The following GLRA3 variants were observed in gnomAD, a reference collection of about 807,000 sequenced individuals.
GLRA3 encodes glycine receptor alpha 3.
GLRA3 carries 44 observed loss-of-function variants against 60.4 expected under a neutral mutation model. That is an observed-to-expected ratio of 0.73 (90% confidence interval 0.57 to 0.94). The LOEUF (loss-of-function observed/expected upper bound fraction) is 0.94. GLRA3 is among the 40% of genes least tolerant of loss of function. GLRA3 has a pLI of 0.00. For synonymous variants in GLRA3, 223 were observed against 192.9 expected, an observed-to-expected ratio of 1.16 and a Z score of -1.29; for missense variants, 508 against 564.6, an observed-to-expected ratio of 0.90 and a Z score of 1.02.
chr4:174,715,482 A>G lies in GLRA3; in HGVS notation c.574+6T>C. 7.2e-7 allele frequency: 1 copy of G among 1,396,988 alleles called. No individual in the cohort carries two copies. Among genetic ancestry groups the G allele is most frequent in the Non-Finnish European group, 1.0e-6 (1 of 988,508 alleles). The allele number at this position is 1,396,988 out of a possible 1,614,324, so 86.5% of individuals were successfully genotyped here. ...GTATTTTAAAAAGTAAGTGGTTCATACTTACAGCTTTCCAGTTGCATTATA... is the reference window on the plus strand; with the variant it reads ...GTATTTTAAAAAGTAAGTGGTTCATGCTTACAGCTTTCCAGTTGCATTATA... On this transcript the variant is annotated splice_donor_region_variant and intron_variant, in intron 5 of 9. Transcript: ENST00000274093.
chr4:174,739,017 A>G (rs1736904977), intron 3 of GLRA3, among the ~76,000 whole-genome samples: 2 of 152,228 alleles, frequency 1.3e-5, no homozygotes, highest in Admixed American at 1.3e-4. Flanking sequence ...AAGGCTCAGT[A>G]AAGCCCTGCT....
intron 1 of GLRA3, among the ~76,000 whole-genome samples, chr4:174,802,857 C>T (rs1739875521): frequency 1.3e-5 from 2 of 151,962 alleles, no homozygotes; most frequent in Admixed American, 1.3e-4. Context: ...ATCTTTTTAA[C>T]CAGGCTTGAT....
In GLRA3 at chr4:174,643,705, C is replaced by T; in HGVS notation, c.*81G>A. ...CAATGGTCATCATTTGTATACCACA[C>T]GCACACATATACACATACACACCTA... On this transcript the variant is annotated 3_prime_UTR_variant, in exon 10 of 10. Coordinates refer to ENST00000274093, the MANE Select transcript of GLRA3 (RefSeq NM_006529.4). 6.6e-6 allele frequency: 10 copies of T among 1,518,304 alleles called. No homozygotes were observed. The highest frequency in any genetic ancestry group is 1.3e-5 in the South Asian group (1 of 74,168). The allele number at this position is 1,518,304 out of a possible 1,614,324, so 94.1% of individuals were successfully genotyped here.
At chr4:174,769,146 C>T (rs1200745222) in intron 2 of GLRA3, among the ~76,000 whole-genome samples, 1 of 152,060 alleles carries the variant, frequency 6.6e-6, no homozygotes, top group African/African-American at 2.4e-5. Flanking sequence ...ATATTTACCT[C>T]AATTTCTCTA....
Position 174,728,581 on chromosome 4 carries a change from G to T in GLRA3, c.385C>A (p.Pro129Thr). 6.2e-7 allele frequency: 1 copy of T among 1,612,686 alleles called. No homozygotes were observed. The highest frequency in any genetic ancestry group is 8.5e-7 in the Non-Finnish European group (1 of 1,178,706). Residue 129 changes from proline (P) to threonine (T), a missense_variant, in exon 4 of 10, where the codon CCT (proline) becomes ACT (threonine). By Grantham distance (38) the Pro-to-Thr change is conservative (BLOSUM62 -1). Transcript: ENST00000274093. ...DPSMLDSIWKPDLFFANEKGA... is the reference protein window; with the variant it reads ...DPSMLDSIWKTDLFFANEKGA... ...TTTTCATTGGCAAAGAACAAATCAGGTTTCCAAATGGAGTCCAACATGGAG... is the reference window on the plus strand; with the variant it reads ...TTTTCATTGGCAAAGAACAAATCAGTTTTCCAAATGGAGTCCAACATGGAG...
chr4:174,659,505 T>C (rs1733353160), intron 7 of GLRA3, among the ~76,000 whole-genome samples: 1 of 152,208 alleles, frequency 6.6e-6, no homozygotes, highest in Admixed American at 6.5e-5. Context: ...GAAATATAGA[T>C]AATGCTGTTG....
At chr4:174,721,684 G>C (rs1736134962) in intron 4 of GLRA3, among the ~76,000 whole-genome samples, 1 of 120,840 alleles carries the variant, frequency 8.3e-6, no homozygotes, top group Admixed American at 8.5e-5. Context: ...AGGCAAATTA[G>C]TTTTCCAGAT....
Position 174,643,892 on chromosome 4 carries a change from G to T in GLRA3, c.1289C>A (p.Thr430Asn), listed in dbSNP as rs148421929. The change falls in exon 10 of 10, where the codon ACC becomes AAC. Residue 430 changes from threonine (T) to asparagine (N), a missense_variant. Thr to Asn is a moderately conservative substitution (Grantham distance 65). This residue lies in a region of GLRA3 where 176 missense variants were observed against 197.9 expected (regional missense o/e 0.89). Coordinates refer to ENST00000274093, the MANE Select transcript of GLRA3 (RefSeq NM_006529.4). ...TAATGGGAAGCAGGCTCGGGAGATGGTATCAATCTTCTTGGCCCGGTCGAT... is the reference window on the plus strand; with the variant it reads ...TAATGGGAAGCAGGCTCGGGAGATGTTATCAATCTTCTTGGCCCGGTCGAT... ...VFIDRAKKIDTISRACFPLAF... is the reference protein window; with the variant it reads ...VFIDRAKKIDNISRACFPLAF... 2 of 1,613,950 alleles carry T rather than the reference G, an allele frequency of 1.2e-6. No individual in the cohort carries two copies. The highest frequency in any genetic ancestry group is 1.7e-6 in the Non-Finnish European group (2 of 1,179,984).
In GLRA3 at chr4:174,639,366, A is replaced by ATG. The variant is rs1284364356; in HGVS notation, c.*4418_*4419dup. 1.1e-4 allele frequency: 10 copies of ATG among 91,594 alleles called. No homozygotes were observed. The highest frequency in any genetic ancestry group is 1.6e-4 in the African/African-American group (4 of 24,570). 5.7% of individuals were successfully genotyped at this position (91,594 alleles called of 1,614,324 possible). ...TAAAGGAATTCATCTCATTACCAATATGTGTATGTGTGTGTGTGTGTGTGT... is the reference window on the plus strand; with the variant it reads ...TAAAGGAATTCATCTCATTACCAATATGTGTGTATGTGTGTGTGTGTGTGTGT... On this transcript the variant is annotated 3_prime_UTR_variant, in exon 10 of 10. Transcript: ENST00000274093.
chr4:174,828,958 C>T lies in GLRA3; in HGVS notation c.-147G>A. Reference sequence around the variant, plus strand: ...AGCTTCAGCACCTTAGACAGCTCCCCGCAGTATGCGGACCCCTTCTCAGCA... The same window carrying T: ...AGCTTCAGCACCTTAGACAGCTCCCTGCAGTATGCGGACCCCTTCTCAGCA... On this transcript the variant is annotated 5_prime_UTR_variant, in exon 1 of 10. Coordinates refer to ENST00000274093, the MANE Select transcript of GLRA3 (RefSeq NM_006529.4). 1.6e-6 allele frequency: 1 copy of T among 642,392 alleles called. No homozygotes were observed. 39.8% of individuals were successfully genotyped at this position (642,392 alleles called of 1,614,324 possible). A position where few individuals can be genotyped will look rare whatever the true frequency, so the allele number is the denominator to read the frequency against.
chr4:174,667,722 T>C (rs1053663987), intron 7 of GLRA3, among the ~76,000 whole-genome samples: 3 of 152,072 alleles, frequency 2.0e-5, no homozygotes, highest in African/African-American at 7.2e-5. Context: ...CTGCACAATA[T>C]CTTAAAAAAG....
In GLRA3 at chr4:174,681,896, C is replaced by T. The variant is rs181207338; in HGVS notation, c.712+906G>A. Among the ~76,000 whole-genome samples the T allele has an allele frequency of 1.5e-4, 23 of 152,262 alleles. No individual in the cohort carries two copies. In the East Asian group the frequency reaches 3.5e-3, roughly 23 times the overall value. On this transcript the variant is annotated intron_variant, in intron 6 of 9. Transcript: ENST00000274093. ...TTGAACTCCCTAATAAGTTAGATAT[C>T]AGCTTCATCTCTGAGTTAAAAGGAA...
intron 3 of GLRA3, among the ~76,000 whole-genome samples, chr4:174,745,408 C>T (rs1324680467): frequency 6.6e-6 from 1 of 152,114 alleles, no homozygotes; most frequent in Non-Finnish European, 1.5e-5. Context: ...AGCATCTAGT[C>T]ACCCCTAAAG....
intron 7 of GLRA3, among the ~76,000 whole-genome samples, chr4:174,671,413 A>G (rs1733903093): frequency 6.6e-6 from 1 of 152,128 alleles, no homozygotes; most frequent in Non-Finnish European, 1.5e-5. Flanking sequence ...AAGACTGCGT[A>G]TTTGCTAATT....
At chr4:174,827,633 A>G (rs906409470) in intron 1 of GLRA3, among the ~76,000 whole-genome samples, 4 of 151,952 alleles carry the variant, frequency 2.6e-5, no homozygotes, top group African/African-American at 9.6e-5. Flanking sequence ...AAATAGTTCA[A>G]CTTCTTATTT....
intron 1 of GLRA3, among the ~76,000 whole-genome samples, chr4:174,801,855 G>A (rs1739824591): frequency 1.3e-5 from 2 of 151,862 alleles, no homozygotes; most frequent in Non-Finnish European, 2.9e-5. Context: ...GTCTTTCCTT[G>A]GTAGCACTTG....
chr4:174,783,850 G>C (rs549383714), intron 2 of GLRA3, among the ~76,000 whole-genome samples: 4 of 152,208 alleles, frequency 2.6e-5, no homozygotes, highest in African/African-American at 9.6e-5. Context: ...GGAGGAATAG[G>C]AACACTTTTA....
At chr4:174,714,700 C>T (rs1735840541) in intron 5 of GLRA3, among the ~76,000 whole-genome samples, 1 of 152,138 alleles carries the variant, frequency 6.6e-6, no homozygotes, top group South Asian at 2.1e-4. Flanking sequence ...TTTTATTCCC[C>T]CTCGGATAAC....
At chr4:174,691,421 G>C (rs1003543013) in intron 5 of GLRA3, among the ~76,000 whole-genome samples, 1 of 151,824 alleles carries the variant, frequency 6.6e-6, no homozygotes, top group African/African-American at 2.4e-5. Flanking sequence ...CTCTTTCCAC[G>C]GTCTCCCTCT....
Sources: gnomAD v4.1 joint callset for allele counts (sites outside exome capture counted in the v4.1 genomes callset) on GRCh38, gnomAD v4.1.1 for gene constraint, gnomAD v4.1.1 regional missense constraint, MANE v1.5 for transcripts, NCBI Gene and HGNC (gene_info 2026-07-23, HGNC 2026-07-21) for gene names.